Variants in TTL observed in about 807,000 individuals in gnomAD.
TTL encodes the protein tubulin tyrosine ligase, also known as tubulin--tyrosine ligase.
In TTL, 10 loss-of-function variants were observed where a neutral mutation model predicts 41.1. The ratio of observed to expected loss-of-function variants is 0.24; its 90% CI spans 0.15 to 0.41. TTL has a LOEUF of 0.41. Among genes scored for constraint, TTL ranks in the 10% least tolerant of loss-of-function variants. The pLI is 1.00. For missense variants in TTL, 367 were observed against 460.4 expected (o/e 0.80, Z 1.86); for synonymous variants, 175 against 175.5 (o/e 1.00, Z 0.02).
chr2:112,482,858 T>TGGGCGCGGCTCCGCAGAGC lies in TTL; in HGVS notation c.157+363_157+381dup. On this transcript the variant is annotated intron_variant, in intron 1 of 6. Coordinates refer to ENST00000233336, the MANE Select transcript of TTL (RefSeq NM_153712.5). The surrounding 1 kb of genome is among the most constrained non-coding windows in gnomAD (Gnocchi z 5.3). ...CCCAGATTTGGCGGGTCCGCCGCGC[T>TGGGCGCGGCTCCGCAGAGC]GGGCGCGGCTCCGCAGAGCGGGCGG... Among the ~76,000 whole-genome samples the TGGGCGCGGCTCCGCAGAGC allele has an allele frequency of 6.6e-6, 1 of 152,234 alleles. No individual in the cohort carries two copies. The highest frequency in any genetic ancestry group is 6.5e-5 in the Admixed American group (1 of 15,304).
In TTL at chr2:112,530,815, G is replaced by A. The variant is rs965978954; in HGVS notation, c.*2020G>A. On this transcript the variant is annotated 3_prime_UTR_variant, in exon 7 of 7. Transcript: ENST00000233336. ...ACTCAATGGCATATATAAGAGGGAA[G>A]TAAGACTTTTAAGAAAAGAAAAAGT... is the stretch of plus-strand genomic sequence containing the variant. 2 of 191,932 alleles carry A rather than the reference G, an allele frequency of 1.0e-5. No homozygotes were observed. The highest frequency in any genetic ancestry group is 2.2e-5 in the Non-Finnish European group (2 of 91,842). 11.9% of individuals were successfully genotyped at this position (191,932 alleles called of 1,614,324 possible). A position where few individuals can be genotyped will look rare whatever the true frequency, so the allele number is the denominator to read the frequency against.
intron 5 of TTL, among the ~76,000 whole-genome samples, chr2:112,515,196 C>A (rs1682034203): frequency 6.6e-6 from 1 of 152,140 alleles, no homozygotes; most frequent in Non-Finnish European, 1.5e-5. Context: ...TTACCCATGG[C>A]AGAGTAATCC....
At chr2:112,520,130 CAA>C (rs34238996) in intron 5 of TTL, 150 bp from the exon 6 acceptor site, 35,740 of 492,348 alleles carry the variant, frequency 0.073, no homozygotes, top group South Asian at 0.097. Context: ...AACTCCGTCT[CAA>C]AAAAAAAAAA....
At chr2:112,526,781 A>T (rs1355582093) in intron 6 of TTL, among the ~76,000 whole-genome samples, 1 of 150,778 alleles carries the variant, frequency 6.6e-6, no homozygotes, top group Non-Finnish European at 1.5e-5. Context: ...TTGTGTCTCT[A>T]TCTCCTTCAG....
At chr2:112,511,086 T>C (rs1232608746) in intron 5 of TTL, among the ~76,000 whole-genome samples, 1 of 151,780 alleles carries the variant, frequency 6.6e-6, no homozygotes, top group African/African-American at 2.4e-5. Context: ...GGCACAAACA[T>C]GGTTTGCTGC....
At chr2:112,495,020 C>G (rs890160426) in intron 3 of TTL, among the ~76,000 whole-genome samples, 4 of 152,192 alleles carry the variant, frequency 2.6e-5, no homozygotes, top group African/African-American at 9.7e-5. Flanking sequence ...AGAATGAACT[C>G]CGGATTCCTA....
chr2:112,502,593 C>T (rs1681732017), intron 4 of TTL, among the ~76,000 whole-genome samples: 1 of 150,658 alleles, frequency 6.6e-6, no homozygotes, highest in Non-Finnish European at 1.5e-5. Flanking sequence ...GCCGAGATCA[C>T]ACCATTGCAC....
rs952388913 is a variant in TTL at position 112,511,181 on chromosome 2, A to AT, written c.875+8008dup. Among the ~76,000 whole-genome samples, 29 of 151,348 alleles carry AT rather than the reference A, an allele frequency of 1.9e-4. 1 individual carries two copies. The highest frequency in any genetic ancestry group is 8.6e-4 in the Admixed American group (13 of 15,146). On this transcript the variant is annotated intron_variant, in intron 5 of 6. Coordinates refer to ENST00000233336, the MANE Select transcript of TTL (RefSeq NM_153712.5). ...GCCACCAAACCCACCTGATTTTTGT[A>AT]TTTTTTTTGTAGAGACAGGGTTTTG...
chr2:112,512,984 G>C (rs1210978389), intron 5 of TTL, among the ~76,000 whole-genome samples: 1 of 148,920 alleles, frequency 6.7e-6, no homozygotes, highest in East Asian at 2.0e-4. Flanking sequence ...TTTAGTGCTT[G>C]CTCTAGGAAT....
chr2:112,503,403 G>GTATATA (rs61614473), intron 5 of TTL, among the ~76,000 whole-genome samples: 14,869 of 143,280 alleles, frequency 0.1, 884 homozygotes, highest in East Asian at 0.27. Flanking sequence ...GTGTGTGTGT[G>GTATATA]TATATATATA....
At chr2:112,494,846 T>G (rs903073942) in intron 3 of TTL, among the ~76,000 whole-genome samples, 1 of 152,096 alleles carries the variant, frequency 6.6e-6, no homozygotes, top group South Asian at 2.1e-4. Context: ...TCTTGCCGTT[T>G]CCCCTGCTTC....
At chr2:112,521,207 TC>T (rs1682217155) in intron 6 of TTL, 5 of 985,216 alleles carry the variant, frequency 5.1e-6, no homozygotes, top group Non-Finnish European at 6.0e-6. Flanking sequence ...TCTCACCCTG[TC>T]CCGGGCTCTG....
intron 6 of TTL, 22 bp from the exon 7 acceptor site, chr2:112,528,659 T>A (rs1307992051): frequency 3.8e-6 from 6 of 1,589,118 alleles, no homozygotes; most frequent in Non-Finnish European, 4.3e-6. Flanking sequence ...TCCTCAATGA[T>A]ATTTTTAAAA....
chr2:112,498,714 G>T (rs1018114673), intron 3 of TTL, among the ~76,000 whole-genome samples: 3 of 152,020 alleles, frequency 2.0e-5, no homozygotes, highest in African/African-American at 7.2e-5. Flanking sequence ...GACCAGGCTG[G>T]CCAACATGGT....
chr2:112,534,000 C>G lies in TTL; in HGVS notation c.*5205C>G, dbSNP rs531001310. ...CTCTTCCATAAAAGCAATGAGAACA[C>G]TAGCAAAACTGTCTAGACATTAACC... On this transcript the variant is annotated 3_prime_UTR_variant, in exon 7 of 7. Transcript: ENST00000233336. The G allele has an allele frequency of 6.6e-6, 1 of 152,264 alleles. No homozygotes were observed. Among genetic ancestry groups the G allele is most frequent in the East Asian group, 1.9e-4 (1 of 5,178 alleles). 9.4% of individuals were successfully genotyped at this position (152,264 alleles called of 1,614,324 possible).
At chr2:112,498,007 A>G (rs1477826187) in intron 3 of TTL, among the ~76,000 whole-genome samples, 5 of 152,242 alleles carry the variant, frequency 3.3e-5, no homozygotes, top group African/African-American at 1.2e-4. Context: ...AACAATGAAC[A>G]TGTGGAAACC....
chr2:112,491,493 A>G (rs1681384543), intron 2 of TTL, among the ~76,000 whole-genome samples: 1 of 152,202 alleles, frequency 6.6e-6, no homozygotes, highest in East Asian at 1.9e-4. Context: ...TCTGTGGGCA[A>G]TTGTGACTCA....
chr2:112,488,860 G>A (rs1159585157), intron 2 of TTL, among the ~76,000 whole-genome samples: 2 of 152,074 alleles, frequency 1.3e-5, no homozygotes, highest in Admixed American at 6.6e-5. Context: ...AGGCCGAGGC[G>A]GGCGGATCAC....
At chr2:112,488,502 A>C (rs1023253574) in intron 2 of TTL, among the ~76,000 whole-genome samples, 5 of 152,188 alleles carry the variant, frequency 3.3e-5, no homozygotes, top group African/African-American at 4.8e-5. Context: ...TCACGCCTGT[A>C]ATCTCAGCAC....
Sources: allele counts gnomAD v4.1 joint callset (sites outside exome capture counted in the v4.1 genomes callset), GRCh38; gene constraint gnomAD v4.1.1; non-coding constraint Gnocchi (gnomAD v3.1); transcripts MANE v1.5; gene names NCBI Gene and HGNC (gene_info 2026-07-23, HGNC 2026-07-21).